SYTL4: variants seen among roughly 807,000 people sequenced by gnomAD.
The protein encoded by SYTL4 is synaptotagmin-like protein 4.
A neutral mutation model predicts 52.7 loss-of-function variants in SYTL4; 16 were observed. The ratio of observed to expected loss-of-function variants is 0.30; its 90% CI spans 0.21 to 0.46. SYTL4 has a LOEUF of 0.46. Among genes scored for constraint, SYTL4 ranks in the 20% least tolerant of loss-of-function variants. SYTL4 has a pLI of 1.00. For missense variants in SYTL4, 423 were observed against 519.9 expected (o/e 0.81, Z 1.81); for synonymous variants, 160 against 186.6 (o/e 0.86, Z 1.16).
intron 8 of SYTL4, among the ~76,000 whole-genome samples, chrX:100,696,953 A>T (rs767132452): frequency 1.8e-5 from 2 of 112,277 alleles, no homozygotes; most frequent in African/African-American, 3.2e-5. Context: ...ATGAGTCAAA[A>T]ATAAAGCCTC....
At chrX:100,705,562 AAG>A (rs1223702744) in intron 2 of SYTL4, among the ~76,000 whole-genome samples, 1 of 111,785 alleles carries the variant, frequency 8.9e-6, no homozygotes, top group African/African-American at 3.3e-5. Context: ...TCCTGGATAA[AAG>A]AGGTATTATC....
chrX:100,719,858 A>G (rs2084304859), intron 2 of SYTL4, among the ~76,000 whole-genome samples: 1 of 112,088 alleles, frequency 8.9e-6, no homozygotes, highest in Non-Finnish European at 1.9e-5. Flanking sequence ...ACTTAAAATA[A>G]TATATACAAC....
At chrX:100,729,669 T>G (rs2147854849) in intron 2 of SYTL4, among the ~76,000 whole-genome samples, 1 of 111,191 alleles carries the variant, frequency 9.0e-6, no homozygotes, top group Non-Finnish European at 1.9e-5. Context: ...CTTAGAGAAC[T>G]TACAGCCTTC....
intron 16 of SYTL4, chrX:100,685,368 A>G (rs1229286719): frequency 8.9e-6 from 1 of 112,134 alleles, no homozygotes; most frequent in Non-Finnish European, 1.9e-5. Flanking sequence ...AAGTTGCTGA[A>G]TAAGTCCTCT....
intron 2 of SYTL4, among the ~76,000 whole-genome samples, chrX:100,713,263 G>A (rs1179022303): frequency 1.8e-5 from 2 of 111,614 alleles, no homozygotes; most frequent in Non-Finnish European, 3.8e-5. Flanking sequence ...GATCAACATG[G>A]TGAAACCCCG....
chrX:100,681,026 A>C (rs962535486), intron 17 of SYTL4, among the ~76,000 whole-genome samples: 46 of 111,559 alleles, frequency 4.1e-4, no homozygotes, highest in African/African-American at 1.5e-3. Context: ...GCCTAAAAAA[A>C]GAAAAGAATG....
intron 2 of SYTL4, among the ~76,000 whole-genome samples, chrX:100,713,486 C>A (rs753519137): frequency 9.2e-6 from 1 of 108,921 alleles, no homozygotes; most frequent in South Asian, 4.1e-4. Flanking sequence ...TGTGGTGGTG[C>A]ATGCCTGTAA....
At chrX:100,694,076 T>C (rs746220054) in intron 8 of SYTL4, among the ~76,000 whole-genome samples, 6 of 112,235 alleles carry the variant, frequency 5.3e-5, no homozygotes, top group Non-Finnish European at 1.1e-4. Flanking sequence ...ATGGTGAAAA[T>C]GTTCTGAAAT....
In SYTL4 at chrX:100,729,508, T is replaced by G. The variant is rs747335746; in HGVS notation, c.-240+1910A>C. Reference sequence around the variant, plus strand: ...AAATTCCTAGCTGTGGTATTTCAAGTGCCTCAGGAAGGTGTCTTCTGTACC... The same window carrying G: ...AAATTCCTAGCTGTGGTATTTCAAGGGCCTCAGGAAGGTGTCTTCTGTACC... On this transcript the variant is annotated intron_variant, in intron 2 of 19. Coordinates refer to ENST00000372989, the MANE Select transcript of SYTL4 (RefSeq NM_001370165.1). 2.7e-5 allele frequency among the ~76,000 whole-genome samples: 3 copies of G among 111,370 alleles called. No homozygotes were observed. In the Admixed American group the frequency reaches 2.9e-4, roughly 11 times the overall value.
intron 2 of SYTL4, 107 bp downstream of exon 2, chrX:100,731,311 G>C (rs1271461569): frequency 8.9e-6 from 1 of 112,023 alleles, no homozygotes; most frequent in Non-Finnish European, 1.9e-5. Context: ...CCTGCTTGAA[G>C]AGCGGCAATA....
intron 12 of SYTL4, 46 bp from the exon 13 acceptor site, chrX:100,688,489 T>C: frequency 9.4e-7 from 1 of 1,064,736 alleles, no homozygotes. Flanking sequence ...GAAAGACTTT[T>C]CTTTAGCTTC....
At chrX:100,716,192 G>A (rs975967728) in intron 2 of SYTL4, among the ~76,000 whole-genome samples, 2 of 108,308 alleles carry the variant, frequency 1.8e-5, no homozygotes, top group African/African-American at 6.7e-5. Flanking sequence ...GCTCACGTCT[G>A]TAATCTCAGC....
In SYTL4 at chrX:100,701,651, C is replaced by T. The variant is rs760809086; in HGVS notation, c.133G>A (p.Glu45Lys). ...RIRRLKNELLEIKRKGAKRGS... is the reference protein window; with the variant it reads ...RIRRLKNELLKIKRKGAKRGS... ...CTCTTGGCCCCTTTCCTTTTTATCT[C>T]CAGTAACTCATTCTTTAGTCGCCTG... Residue 45 changes from glutamate to lysine, a missense_variant, in exon 6 of 20, where the codon GAG becomes AAG. Coordinates refer to ENST00000372989, the MANE Select transcript of SYTL4 (RefSeq NM_001370165.1). The T allele has an allele frequency of 7.0e-5, 85 of 1,209,759 alleles. No homozygotes were observed. In the East Asian group the frequency reaches 2.5e-3, roughly 36 times the overall value.
chrX:100,707,333 T>A (rs867564471), intron 2 of SYTL4, among the ~76,000 whole-genome samples: 27 of 109,040 alleles, frequency 2.5e-4, no homozygotes, highest in Non-Finnish European at 3.2e-4. Flanking sequence ...TACTTTTTTT[T>A]AAAATTTATA....
In SYTL4 at chrX:100,707,553, T is replaced by TA. The variant is rs371364189; in HGVS notation, c.-239-2668dup. On this transcript the variant is annotated intron_variant, in intron 2 of 19. Coordinates refer to ENST00000372989, the MANE Select transcript of SYTL4 (RefSeq NM_001370165.1). ...TGCAATAAACCAAGTGATATATTTT[T>TA]ATGGTAAATAGTACATCATATTTTG... is the stretch of plus-strand genomic sequence containing the variant. Among the ~76,000 whole-genome samples, 5 of 112,178 alleles carry TA rather than the reference T, an allele frequency of 4.5e-5. No homozygotes were observed. In the South Asian group the frequency reaches 1.9e-3, roughly 42 times the overall value.
chrX:100,688,564 T>TTC, intron 12 of SYTL4, 121 bp from the exon 13 acceptor site: 1 of 89,360 alleles, frequency 1.1e-5, no homozygotes. Flanking sequence ...CACATACTTC[T>TTC]TTTTTTTTTT....
chrX:100,700,519 A>G (rs1024600530), intron 8 of SYTL4, among the ~76,000 whole-genome samples: 4 of 112,132 alleles, frequency 3.6e-5, no homozygotes, highest in Non-Finnish European at 5.6e-5. Flanking sequence ...ATGTATATAC[A>G]TAGAAGATAT....
intron 2 of SYTL4, among the ~76,000 whole-genome samples, chrX:100,727,417 C>T (rs1301683171): frequency 8.9e-6 from 1 of 112,362 alleles, no homozygotes; most frequent in Non-Finnish European, 1.9e-5. Flanking sequence ...CTATTTTTCA[C>T]CTATCAGATT....
intron 14 of SYTL4, 86 bp from the exon 15 acceptor site, chrX:100,686,867 T>C: frequency 1.7e-5 from 15 of 873,937 alleles, no homozygotes; most frequent in Non-Finnish European, 2.5e-5. Context: ...AGATATGCCA[T>C]GGTGACATGT....
Sources: gnomAD v4.1 joint callset for allele counts (sites outside exome capture counted in the v4.1 genomes callset) on GRCh38, gnomAD v4.1.1 for gene constraint, MANE v1.5 for transcripts, NCBI Gene and HGNC (gene_info 2026-07-23, HGNC 2026-07-21) for gene names.